The following NPAT variants were observed in gnomAD, a reference collection of about 807,000 sequenced individuals.
NPAT encodes the protein protein NPAT.
In NPAT, 52 loss-of-function variants were observed where a neutral mutation model predicts 130.7. The ratio of observed to expected loss-of-function variants is 0.40; its 90% CI spans 0.32 to 0.50. The LOEUF (loss-of-function observed/expected upper bound fraction) is 0.50. Among genes scored for constraint, NPAT ranks in the 20% least tolerant of loss-of-function variants. The pLI, the probability that NPAT is intolerant of heterozygous loss-of-function variation, is 0.68. For missense variants in NPAT, 1,687 were observed against 1,662.6 expected (o/e 1.01, Z -0.26); for synonymous variants, 580 against 584.8 (o/e 0.99, Z 0.12).
At chr11:108,207,666 G>GAGCAGGGAGAGGCCAGGC in intron 1 of NPAT, among the ~76,000 whole-genome samples, 1 of 152,378 alleles carries the variant, frequency 6.6e-6, no homozygotes, top group East Asian at 1.9e-4. Flanking sequence ...TGGGCACCGG[G>GAGCAGGGAGAGGCCAGGC]AGCAGGGAGA....
intron 2 of NPAT, among the ~76,000 whole-genome samples, chr11:108,194,919 G>A (rs1004569629): frequency 1.3e-5 from 2 of 152,038 alleles, no homozygotes; most frequent in East Asian, 3.9e-4. Context: ...TGTCTCCTGG[G>A]TTCAAGCGAT....
intron 12 of NPAT, among the ~76,000 whole-genome samples, chr11:108,175,190 C>T (rs186840704): frequency 6.6e-6 from 1 of 152,244 alleles, no homozygotes; most frequent in South Asian, 2.1e-4. Context: ...TTATAACTGT[C>T]CCATTTTATT....
At chr11:108,197,444 G>A (rs779084632) in intron 1 of NPAT, 24 bp from the exon 2 acceptor site, 2 of 1,397,432 alleles carry the variant, frequency 1.4e-6, no homozygotes, top group Non-Finnish European at 1.0e-6. Flanking sequence ...AAAAGTTTAG[G>A]TACTTATACT....
At chr11:108,208,384 G>T in intron 1 of NPAT, 1 of 449,336 alleles carries the variant, frequency 2.2e-6, no homozygotes, top group Non-Finnish European at 4.5e-6. Flanking sequence ...TGAGCCTAGG[G>T]TTCAAGACCA....
At chr11:108,171,145 T>TC (rs1301826810) in intron 13 of NPAT, 3 of 148,122 alleles carry the variant, frequency 2.0e-5, no homozygotes, top group African/African-American at 7.5e-5. Flanking sequence ...TTTTTTTTTT[T>TC]TTGGAGACAG....
At chr11:108,160,820 C>A in intron 17 of NPAT, 60 bp downstream of exon 17, 1 of 1,464,362 alleles carries the variant, frequency 6.8e-7, no homozygotes, top group Non-Finnish European at 9.4e-7. Context: ...CTGCTGAATT[C>A]GCTAATCACT....
chr11:108,162,063 TTA>T (rs776209187), intron 16 of NPAT, 49 bp from the exon 17 acceptor site: 26 of 1,612,030 alleles, frequency 1.6e-5, no homozygotes, highest in African/African-American at 4.0e-5. Flanking sequence ...AAGAAATCCT[TTA>T]TGTTTTAAAT....
At position 108,221,919 on chromosome 11, in the gene NPAT, AG is replaced by A. The variant is rs4987877; in HGVS notation, c.37+580del. ...CCCTCTGAAATTTTTCGCTGATCAAAGGAACAGGAATTGCTGTTTTAAAATA... is the reference window on the plus strand; with the variant it reads ...CCCTCTGAAATTTTTCGCTGATCAAAGAACAGGAATTGCTGTTTTAAAATA... On this transcript the variant is annotated intron_variant, in intron 1 of 17. Coordinates refer to ENST00000278612, the MANE Select transcript of NPAT (RefSeq NM_002519.3). Among the ~76,000 whole-genome samples the A allele has an allele frequency of 9.2e-4, 140 of 152,368 alleles. 1 individual carries two copies. In the South Asian group the frequency reaches 0.014, roughly 15 times the overall value.
intron 1 of NPAT, among the ~76,000 whole-genome samples, chr11:108,216,643 C>T (rs1459197078): frequency 2.1e-5 from 2 of 95,538 alleles, no homozygotes; most frequent in African/African-American, 4.3e-5. Flanking sequence ...GTCATTTGTG[C>T]TAGCATAACC....
chr11:108,205,530 A>G (rs1022012731), intron 1 of NPAT, among the ~76,000 whole-genome samples: 1 of 152,208 alleles, frequency 6.6e-6, no homozygotes, highest in Non-Finnish European at 1.5e-5. Context: ...GGCCCCCACA[A>G]AGTGCTGGGA....
rs1007208396 is a variant in NPAT at position 108,177,196 on chromosome 11, T to A, written c.907-106A>T. On this transcript the variant is annotated intron_variant, in intron 10 of 17. Coordinates refer to ENST00000278612, the MANE Select transcript of NPAT (RefSeq NM_002519.3). Reference sequence around the variant, plus strand: ...TCTCACTCTTTTGCTCAGGCTGGAGTGTAGTGGTACAGTGGTAGAGTCACT... The same window carrying A: ...TCTCACTCTTTTGCTCAGGCTGGAGAGTAGTGGTACAGTGGTAGAGTCACT... The A allele has an allele frequency of 4.8e-5, 25 of 516,876 alleles. No homozygotes were observed. In the Admixed American group the frequency reaches 6.7e-4, roughly 14 times the overall value. 32.0% of individuals were successfully genotyped at this position (516,876 alleles called of 1,614,324 possible).
At position 108,172,732 on chromosome 11, in the gene NPAT, G is replaced by A. The variant is rs2077964790; in HGVS notation, c.2252C>T (p.Ser751Phe). ...AGCACTGGTAAGTTCAGTATCTGAGGAAACAAATGGATCATCACTAATGAT... is the reference window on the plus strand; with the variant it reads ...AGCACTGGTAAGTTCAGTATCTGAGAAAACAAATGGATCATCACTAATGAT... Reference protein sequence around the residue: ...KVIISDDPFVSSDTELTSAVS... With the variant: ...KVIISDDPFVFSDTELTSAVS... Residue 751 changes from serine (S) to phenylalanine (F), a missense_variant, in exon 13 of 18, where the codon TCC becomes TTC. Physicochemically the swap from Ser to Phe is radical, Grantham distance 155. Transcript: ENST00000278612. The A allele has an allele frequency of 6.2e-7, 1 of 1,613,366 alleles. No individual in the cohort carries two copies. Among genetic ancestry groups the A allele is most frequent in the East Asian group, 2.2e-5 (1 of 44,886 alleles).
At chr11:108,194,370 A>C (rs2078200360) in intron 2 of NPAT, among the ~76,000 whole-genome samples, 1 of 152,250 alleles carries the variant, frequency 6.6e-6, no homozygotes, top group African/African-American at 2.4e-5. Context: ...TCATACCAAT[A>C]TCTCAGACTA....
chr11:108,176,311 G>T lies in NPAT; in HGVS notation c.1067C>A (p.Pro356His), dbSNP rs916884467. 1.0e-5 allele frequency: 16 copies of T among 1,574,044 alleles called. No individual in the cohort carries two copies. The African/African-American group carries it at 1.9e-4, about 19-fold the overall frequency. Residue 356 changes from proline (P) to histidine (H), a missense_variant, in exon 12 of 18, where the codon CCC becomes CAC. Transcript: ENST00000278612. ...AGTTTCATCTGCTAAGACTATACTG[G>T]GATTGGATTCCATAGGTTGACTGGA... ...SISSQPMESN[P>H]SIVLADETNL...
intron 11 of NPAT, among the ~76,000 whole-genome samples, chr11:108,176,638 G>C (rs935407289): frequency 6.6e-6 from 1 of 152,122 alleles, no homozygotes; most frequent in Non-Finnish European, 1.5e-5. Context: ...ACTATACTTT[G>C]AGAACTACTG....
At chr11:108,185,150 G>T in intron 10 of NPAT, 82 bp downstream of exon 10, 1 of 903,416 alleles carries the variant, frequency 1.1e-6, no homozygotes, top group Non-Finnish European at 1.8e-6. Flanking sequence ...GTTGGCAATG[G>T]TTTTGAAATG....
In NPAT at chr11:108,170,006, T is replaced by C. The variant is rs2077935970; in HGVS notation, c.2823A>G (p.Val941=). 8.1e-6 allele frequency: 13 copies of C among 1,613,782 alleles called. No individual in the cohort carries two copies. The highest frequency in any genetic ancestry group is 1.1e-5 in the Non-Finnish European group (13 of 1,179,770). ...GGATCATCCCTACCATTCCTTGGAGTACAGGCTGGACTGGAGAGGCAATTA... is the reference window on the plus strand; with the variant it reads ...GGATCATCCCTACCATTCCTTGGAGCACAGGCTGGACTGGAGAGGCAATTA... The part of the protein sequence containing the change: ...AIIIASPVQP[V]LQGMVGMIPV... Residue 941 remains valine, a synonymous_variant, in exon 14 of 18, where the codon GTA becomes GTG. Transcript: ENST00000278612.
chr11:108,217,606 C>G (rs577949979), intron 1 of NPAT, among the ~76,000 whole-genome samples: 40 of 152,260 alleles, frequency 2.6e-4, no homozygotes, highest in African/African-American at 9.6e-4. Flanking sequence ...CATTAAGTAT[C>G]TGACTATAAC....
intron 6 of NPAT, 82 bp downstream of exon 6, chr11:108,189,024 T>A: frequency 9.3e-7 from 1 of 1,077,660 alleles, no homozygotes; most frequent in South Asian, 1.3e-5. Context: ...TTTTACACTA[T>A]GAGTATAAAG....
Sources: allele counts gnomAD v4.1 joint callset (sites outside exome capture counted in the v4.1 genomes callset), GRCh38; gene constraint gnomAD v4.1.1; transcripts MANE v1.5; gene names NCBI Gene and HGNC (gene_info 2026-07-23, HGNC 2026-07-21).